Variants in NREP observed in about 807,000 individuals in gnomAD.
The protein encoded by NREP is neuronal regeneration related protein.
NREP carries 5 observed loss-of-function variants against 8.6 expected under a neutral mutation model. The ratio of observed to expected loss-of-function variants is 0.58; its 90% CI spans 0.30 to 1.22. The LOEUF (loss-of-function observed/expected upper bound fraction) is 1.22, where lower values mean the gene tolerates loss of function less well. Ranked by LOEUF, NREP falls within the 50% of genes most tolerant of loss-of-function variation. The pLI is 0.07. For synonymous variants in NREP, 27 were observed against 28.0 expected, an observed-to-expected ratio of 0.96 and a Z score of 0.11; for missense variants, 86 against 82.5, an observed-to-expected ratio of 1.04 and a Z score of -0.17.
Position 111,730,857 on chromosome 5 carries a change from T to C in NREP, c.*64A>G. The C allele has an allele frequency of 6.4e-7, 1 of 1,556,486 alleles. No homozygotes were observed. The highest frequency in any genetic ancestry group is 8.8e-7 in the Non-Finnish European group (1 of 1,140,178). On this transcript the variant is annotated 3_prime_UTR_variant, in exon 4 of 4. Coordinates refer to ENST00000257435, the MANE Select transcript of NREP (RefSeq NM_004772.4). The stretch of plus-strand genomic sequence containing the variant: ...ATGATTTACACAGAAAAAAATCCCA[T>C]ATATGATACCATGACCTCATCAATA...
intron 2 of NREP, among the ~76,000 whole-genome samples, chr5:111,864,615 A>C (rs1753625184): frequency 6.6e-6 from 1 of 152,126 alleles, no homozygotes; most frequent in South Asian, 2.1e-4. Flanking sequence ...TCCTTAGGGT[A>C]GTGATAATAA....
chr5:111,854,802 C>A (rs979186363), intron 2 of NREP, among the ~76,000 whole-genome samples: 2 of 152,164 alleles, frequency 1.3e-5, no homozygotes, highest in African/African-American at 4.8e-5. Context: ...TCTGCCCTTT[C>A]CCAGAAATAA....
chr5:111,886,143 C>T (rs1754240323), intron 2 of NREP, among the ~76,000 whole-genome samples: 1 of 152,084 alleles, frequency 6.6e-6, no homozygotes, highest in African/African-American at 2.4e-5. Flanking sequence ...CAAACAACCC[C>T]ATCAAAAAGT....
At chr5:111,931,609 G>C (rs1755538877) in intron 2 of NREP, among the ~76,000 whole-genome samples, 1 of 152,124 alleles carries the variant, frequency 6.6e-6, no homozygotes, top group African/African-American at 2.4e-5. Flanking sequence ...TAGGAACTGT[G>C]AGATAATATA....
At chr5:111,956,216 G>C (rs746515614) in intron 2 of NREP, among the ~76,000 whole-genome samples, 1 of 152,046 alleles carries the variant, frequency 6.6e-6, no homozygotes, top group South Asian at 2.1e-4. Flanking sequence ...TCAGGAAAAT[G>C]GGCTCACAGA....
intron 2 of NREP, among the ~76,000 whole-genome samples, chr5:111,830,405 G>C (rs1027828205): frequency 1.3e-5 from 2 of 152,180 alleles, no homozygotes; most frequent in African/African-American, 4.8e-5. Context: ...TCAGGCAAAG[G>C]ATACAAACCT....
intron 2 of NREP, among the ~76,000 whole-genome samples, chr5:111,914,607 C>A (rs1754999348): frequency 6.6e-6 from 1 of 152,072 alleles, no homozygotes; most frequent in Non-Finnish European, 1.5e-5. Context: ...TATAAATGAC[C>A]CTGTCTCCTT....
intron 2 of NREP, among the ~76,000 whole-genome samples, chr5:111,941,244 T>G (rs1466591399): frequency 4.6e-5 from 7 of 152,150 alleles, no homozygotes; most frequent in African/African-American, 1.4e-4. Context: ...TTTAATTATC[T>G]TGTTATAATC....
rs188392788 is a variant in NREP, at chr5:111,948,288, G to A, written c.135+26986C>T. 1.4e-3 allele frequency among the ~76,000 whole-genome samples: 215 copies of A among 152,218 alleles called. 3 individuals carry two copies. The highest frequency in any genetic ancestry group is 3.2e-4 in the Non-Finnish European group (22 of 67,996). On this transcript the variant is annotated intron_variant, in intron 2 of 3. Coordinates refer to the NREP transcript ENST00000395634. ...TTTTGGATCAGAAATGTATGGCAGC[G>A]AACAGCTGTGGAGAAAATAGACTGC... is the stretch of plus-strand genomic sequence containing the variant.
chr5:111,907,236 G>A (rs1186606775), intron 2 of NREP, among the ~76,000 whole-genome samples: 2 of 151,764 alleles, frequency 1.3e-5, no homozygotes, highest in Non-Finnish European at 2.9e-5. Flanking sequence ...TTATGTCTTT[G>A]ATATTGTATT....
chr5:111,957,024 C>T (rs537479225), intron 2 of NREP, among the ~76,000 whole-genome samples: 1 of 151,040 alleles, frequency 6.6e-6, no homozygotes, highest in Non-Finnish European at 1.5e-5. Flanking sequence ...CAATGACATA[C>T]AGTAGAGTGA....
At chr5:111,844,638 T>G (rs1753113239) in intron 2 of NREP, among the ~76,000 whole-genome samples, 1 of 147,644 alleles carries the variant, frequency 6.8e-6, no homozygotes, top group Non-Finnish European at 1.5e-5. Context: ...ATATACATTA[T>G]ATATCAACTA....
chr5:111,802,785 T>C (rs186406886), intron 2 of NREP, among the ~76,000 whole-genome samples: 1 of 152,334 alleles, frequency 6.6e-6, no homozygotes, highest in East Asian at 1.9e-4. Flanking sequence ...AAATAATCAT[T>C]TCATAACTTT....
intron 1 of NREP, chr5:111,756,401 G>T: frequency 3.2e-6 from 1 of 311,582 alleles, no homozygotes; most frequent in South Asian, 1.3e-4. Context: ...TGTACATACT[G>T]CTGCAGTGAT....
rs140211647 is a variant in NREP, at chr5:111,774,889, T to C, written c.136-39382A>G. Among the ~76,000 whole-genome samples the C allele has an allele frequency of 6.6e-5, 10 of 152,308 alleles. No individual in the cohort carries two copies. The East Asian group carries it at 1.9e-3, about 29-fold the overall frequency. ...TGAGATAAAGTATGGGTGTTGTCTT[T>C]ATTGCTAAATTTGTGGTAATTGGTT... On this transcript the variant is annotated intron_variant, in intron 2 of 3. Transcript: ENST00000395634.
intron 2 of NREP, among the ~76,000 whole-genome samples, chr5:111,884,688 G>T (rs949864159): frequency 6.6e-6 from 1 of 152,188 alleles, no homozygotes; most frequent in Non-Finnish European, 1.5e-5. Flanking sequence ...ATCAATAAAT[G>T]CAGTCCAGCA....
intron 2 of NREP, among the ~76,000 whole-genome samples, chr5:111,814,753 G>T (rs965277409): frequency 3.3e-5 from 5 of 152,034 alleles, no homozygotes; most frequent in Non-Finnish European, 7.4e-5. Flanking sequence ...TAAAAGAATG[G>T]GAGTATATGC....
intron 2 of NREP, among the ~76,000 whole-genome samples, chr5:111,842,133 T>C (rs1013321762): frequency 1.3e-5 from 2 of 152,180 alleles, no homozygotes; most frequent in African/African-American, 2.4e-5. Flanking sequence ...ATGTGACTCC[T>C]TGATGCACCT....
intron 2 of NREP, among the ~76,000 whole-genome samples, chr5:111,963,156 A>G (rs894237091): frequency 6.6e-6 from 1 of 152,256 alleles, no homozygotes; most frequent in Non-Finnish European, 1.5e-5. Context: ...CTGGGGCTTC[A>G]GGGGTCACAG....
Sources: allele counts gnomAD v4.1 joint callset (sites outside exome capture counted in the v4.1 genomes callset), GRCh38; gene constraint gnomAD v4.1.1; transcripts MANE v1.5; gene names NCBI Gene and HGNC (gene_info 2026-07-23, HGNC 2026-07-21).